Variants in CCDC178 observed in about 807,000 individuals in gnomAD.
The protein encoded by CCDC178 is coiled-coil domain containing 178.
Under a neutral mutation model 117.4 loss-of-function variants are expected in CCDC178, and 126 were observed. That is an observed-to-expected ratio of 1.07 (90% CI 0.93 to 1.24). The LOEUF is 1.24. CCDC178 is among the 50% of genes most tolerant of loss of function. The pLI, the probability that CCDC178 is intolerant of heterozygous loss-of-function variation, is 0.00. For missense variants in CCDC178, 1,030 were observed against 986.9 expected (o/e 1.04, Z -0.59); for synonymous variants, 283 against 313.4 (o/e 0.90, Z 1.02).
intron 21 of CCDC178, among the ~76,000 whole-genome samples, chr18:33,087,897 A>G (rs1454487688): frequency 6.6e-6 from 1 of 152,202 alleles, no homozygotes; most frequent in African/African-American, 2.4e-5. Context: ...AAGCACATCG[A>G]TACAAAGTGA....
intron 21 of CCDC178, among the ~76,000 whole-genome samples, chr18:33,073,202 C>T (rs1233476270): frequency 6.6e-6 from 1 of 151,416 alleles, no homozygotes; most frequent in Admixed American, 6.6e-5. Context: ...TCATTTGCAG[C>T]CTGAGTATTG....
chr18:33,333,350 G>C lies in CCDC178; in HGVS notation c.703C>G (p.Leu235Val). 1 of 1,611,422 alleles carries C rather than the reference G, an allele frequency of 6.2e-7. No individual in the cohort carries two copies. The highest frequency in any genetic ancestry group is 8.5e-7 in the Non-Finnish European group (1 of 1,178,922). Residue 235 changes from leucine to valine, a missense_variant, in exon 10 of 23, where the codon CTT (leucine) becomes GTT (valine). By Grantham distance (32) the Leu-to-Val change is conservative (BLOSUM62 1). Coordinates refer to ENST00000383096, the MANE Select transcript of CCDC178 (RefSeq NM_001105528.4). ...TGTAGTTGATTAGCTTTATCTTCAA[G>C]ATGCCATTGTAATTCTATAACATCA... ...LSDVIELQWH[L>V]EDKANQLQHF...
At chr18:32,943,624 A>G (rs1168996597) in intron 22 of CCDC178, among the ~76,000 whole-genome samples, 1 of 152,224 alleles carries the variant, frequency 6.6e-6, no homozygotes, top group African/African-American at 2.4e-5. Context: ...AGCAGAGAGT[A>G]GCCCCATTGT....
chr18:33,001,219 C>T (rs2055624414), intron 21 of CCDC178, among the ~76,000 whole-genome samples: 1 of 152,026 alleles, frequency 6.6e-6, no homozygotes, highest in African/African-American at 2.4e-5. Context: ...CATACAAGTA[C>T]ATAGAAATAA....
intron 4 of CCDC178, among the ~76,000 whole-genome samples, chr18:33,394,247 T>C (rs2144837189): frequency 6.6e-6 from 1 of 152,122 alleles, no homozygotes; most frequent in African/African-American, 2.4e-5. Context: ...TGACTAATAT[T>C]TATTGAACAT....
chr18:33,197,747 T>C (rs1002931934), intron 20 of CCDC178, among the ~76,000 whole-genome samples: 10 of 152,186 alleles, frequency 6.6e-5, no homozygotes, highest in Admixed American at 2.6e-4. Flanking sequence ...TCTAAACTTA[T>C]GGGAAATAAT....
chr18:32,964,006 G>T (rs965532364), intron 22 of CCDC178, among the ~76,000 whole-genome samples: 4 of 151,948 alleles, frequency 2.6e-5, no homozygotes, highest in Non-Finnish European at 5.9e-5. Flanking sequence ...GAATGTTATG[G>T]TAATTTACAT....
chr18:33,202,752 C>A (rs1196308576), intron 20 of CCDC178, among the ~76,000 whole-genome samples: 2 of 152,172 alleles, frequency 1.3e-5, no homozygotes, highest in African/African-American at 2.4e-5. Flanking sequence ...TCTCTGAGCA[C>A]ATTACACTCC....
chr18:33,030,464 T>C (rs1343962505), intron 21 of CCDC178, among the ~76,000 whole-genome samples: 1 of 151,690 alleles, frequency 6.6e-6, no homozygotes, highest in Non-Finnish European at 1.5e-5. Flanking sequence ...TTTAATGTTA[T>C]TATCAATATA....
intron 20 of CCDC178, among the ~76,000 whole-genome samples, chr18:33,199,764 A>G (rs1197165943): frequency 1.3e-5 from 2 of 152,168 alleles, no homozygotes; most frequent in Non-Finnish European, 2.9e-5. Flanking sequence ...CCTCTGATGC[A>G]ATGCATATGC....
At position 33,371,960 on chromosome 18, in the gene CCDC178, A is replaced by C. The variant is rs183647790; in HGVS notation, c.209-1771T>G. Among the ~76,000 whole-genome samples the C allele has an allele frequency of 1.2e-4, 18 of 152,176 alleles. 1 individual carries two copies. The East Asian group carries it at 3.5e-3, about 29-fold the overall frequency. ...ATACACATTTAACAAACAAGCAGTCACTGTTACAGTCAAAACATTTGTTTT... is the reference window on the plus strand; with the variant it reads ...ATACACATTTAACAAACAAGCAGTCCCTGTTACAGTCAAAACATTTGTTTT... On this transcript the variant is annotated intron_variant, in intron 5 of 22. Coordinates refer to ENST00000383096, the MANE Select transcript of CCDC178 (RefSeq NM_001105528.4).
At chr18:33,320,095 A>G (rs1466165797) in intron 11 of CCDC178, among the ~76,000 whole-genome samples, 3 of 152,166 alleles carry the variant, frequency 2.0e-5, no homozygotes, top group African/African-American at 7.2e-5. Context: ...ACATATCTCA[A>G]AATAATAAGA....
At chr18:33,017,753 G>A (rs757588599) in intron 21 of CCDC178, among the ~76,000 whole-genome samples, 3 of 151,800 alleles carry the variant, frequency 2.0e-5, no homozygotes, top group Non-Finnish European at 4.4e-5. Flanking sequence ...CAGAAGAATG[G>A]AATAGAATTG....
intron 22 of CCDC178, among the ~76,000 whole-genome samples, chr18:32,940,499 A>T (rs1408301853): frequency 4.0e-5 from 6 of 151,806 alleles, no homozygotes; most frequent in African/African-American, 1.2e-4. Context: ...TATTATTATT[A>T]TTTTTTAACT....
At chr18:32,978,087 C>T (rs1049460952) in intron 21 of CCDC178, among the ~76,000 whole-genome samples, 7 of 151,464 alleles carry the variant, frequency 4.6e-5, no homozygotes, top group African/African-American at 1.7e-4. Flanking sequence ...TGTCTGTATT[C>T]TAGCTTGAGG....
At chr18:33,105,875 CA>C (rs889919527) in intron 20 of CCDC178, among the ~76,000 whole-genome samples, 23 of 143,772 alleles carry the variant, frequency 1.6e-4, no homozygotes, top group East Asian at 2.0e-4. Context: ...ATTAAAATTT[CA>C]AAAAAAAAAG....
At chr18:33,427,430 T>TA (rs1333502635) in intron 2 of CCDC178, among the ~76,000 whole-genome samples, 4 of 152,046 alleles carry the variant, frequency 2.6e-5, no homozygotes, top group Non-Finnish European at 5.9e-5. Flanking sequence ...TACAAAATAG[T>TA]AAAAAATCAT....
chr18:33,188,834 G>A (rs1275681708), intron 20 of CCDC178, among the ~76,000 whole-genome samples: 1 of 152,156 alleles, frequency 6.6e-6, no homozygotes, highest in Non-Finnish European at 1.5e-5. Context: ...AAGCATTTTA[G>A]TTTGTGGAAA....
At chr18:32,970,991 ATATTT>A (rs1415961821) in intron 22 of CCDC178, among the ~76,000 whole-genome samples, 1 of 151,932 alleles carries the variant, frequency 6.6e-6, no homozygotes, top group Non-Finnish European at 1.5e-5. Context: ...TTATTTATTT[ATATTT>A]TATTATTTAT....
Sources: allele counts gnomAD v4.1 joint callset (sites outside exome capture counted in the v4.1 genomes callset), GRCh38; gene constraint gnomAD v4.1.1; transcripts MANE v1.5; gene names NCBI Gene and HGNC (gene_info 2026-07-23, HGNC 2026-07-21).